Variants in SGCZ observed in about 807,000 individuals in gnomAD.
The protein encoded by SGCZ is zeta-sarcoglycan.
In SGCZ, 40 loss-of-function variants were observed where a neutral mutation model predicts 41.3. That is an observed-to-expected ratio of 0.97 (90% CI 0.75 to 1.26). The LOEUF is 1.26. Among genes scored for constraint, SGCZ ranks in the 50% most tolerant of loss-of-function variants. SGCZ has a pLI of 0.00. For synonymous variants in SGCZ, 206 were observed against 137.5 expected (o/e 1.50, Z -3.49); for missense variants, 552 against 369.8 (o/e 1.49, Z -4.04).
chr8:14,084,883 T>G lies in SGCZ; in HGVS notation c.*5560A>C, dbSNP rs1384130462. ...TCTTTGTTTTGACTATCACATTTAATCATGGTTACATAGTAGCACCAAAAT... is the reference window on the plus strand; with the variant it reads ...TCTTTGTTTTGACTATCACATTTAAGCATGGTTACATAGTAGCACCAAAAT... On this transcript the variant is annotated 3_prime_UTR_variant, in exon 8 of 8. Coordinates refer to ENST00000382080, the MANE Select transcript of SGCZ (RefSeq NM_139167.4). Among the ~76,000 whole-genome samples the G allele has an allele frequency of 6.6e-6, 1 of 151,858 alleles. No individual in the cohort carries two copies. Among genetic ancestry groups the G allele is most frequent in the Admixed American group, 6.6e-5 (1 of 15,202 alleles).
intron 2 of SGCZ, among the ~76,000 whole-genome samples, chr8:14,519,861 A>C (rs542263128): frequency 6.6e-6 from 1 of 152,238 alleles, no homozygotes; most frequent in Admixed American, 6.6e-5. Context: ...TTGTGCTTCT[A>C]CTTGTGTGTC....
intron 1 of SGCZ, among the ~76,000 whole-genome samples, chr8:15,144,147 T>C (rs898875520): frequency 3.3e-5 from 5 of 152,248 alleles, no homozygotes; most frequent in African/African-American, 1.2e-4. Context: ...AACATCAGTT[T>C]CTGGCATTTT....
intron 2 of SGCZ, among the ~76,000 whole-genome samples, chr8:14,409,576 A>G (rs1799305908): frequency 6.6e-6 from 1 of 152,162 alleles, no homozygotes; most frequent in South Asian, 2.1e-4. Flanking sequence ...TTTACTCTGT[A>G]CAAAGATGCA....
chr8:14,685,758 G>T (rs1381371630), intron 1 of SGCZ, among the ~76,000 whole-genome samples: 2 of 152,070 alleles, frequency 1.3e-5, no homozygotes, highest in Non-Finnish European at 2.9e-5. Flanking sequence ...TTACAGGAAA[G>T]TCTATTTAAA....
intron 1 of SGCZ, among the ~76,000 whole-genome samples, chr8:14,814,845 G>A (rs992277443): frequency 6.6e-6 from 1 of 151,998 alleles, no homozygotes; most frequent in Non-Finnish European, 1.5e-5. Context: ...TTATAAAGAG[G>A]GCAATGTGTC....
chr8:14,122,913 T>C (rs1161670611), intron 5 of SGCZ, among the ~76,000 whole-genome samples: 1 of 152,216 alleles, frequency 6.6e-6, no homozygotes, highest in Non-Finnish European at 1.5e-5. Flanking sequence ...TCATTCTTTT[T>C]AAAAGGTAGC....
chr8:14,572,175 C>G (rs1292561767), intron 1 of SGCZ, among the ~76,000 whole-genome samples: 1 of 152,118 alleles, frequency 6.6e-6, no homozygotes, highest in Non-Finnish European at 1.5e-5. Context: ...TGCATTTCAA[C>G]AGTATTTTAC....
chr8:15,181,175 G>T (rs1005864039), intron 1 of SGCZ, among the ~76,000 whole-genome samples: 1 of 151,998 alleles, frequency 6.6e-6, no homozygotes. Context: ...ATTTTTACAG[G>T]AAAAATGTTT....
chr8:15,035,398 T>A (rs994570349), intron 1 of SGCZ, among the ~76,000 whole-genome samples: 5 of 151,878 alleles, frequency 3.3e-5, no homozygotes, highest in Admixed American at 2.0e-4. Flanking sequence ...GAGAAAACCA[T>A]CCAATCACAA....
intron 1 of SGCZ, among the ~76,000 whole-genome samples, chr8:15,160,931 G>T (rs1373377928): frequency 3.9e-5 from 6 of 152,170 alleles, no homozygotes; most frequent in African/African-American, 1.4e-4. Flanking sequence ...CTGGTGTGCA[G>T]CCACTACAGT....
At chr8:14,414,342 T>C (rs1029912345) in intron 2 of SGCZ, among the ~76,000 whole-genome samples, 4 of 151,970 alleles carry the variant, frequency 2.6e-5, no homozygotes, top group Non-Finnish European at 5.9e-5. Context: ...ATGGTCCTCA[T>C]GCTCTTGAAT....
intron 1 of SGCZ, among the ~76,000 whole-genome samples, chr8:14,581,063 G>A (rs1021477459): frequency 6.6e-6 from 1 of 152,098 alleles, no homozygotes; most frequent in African/African-American, 2.4e-5. Flanking sequence ...AAAATGCTAA[G>A]CCTAAGGAAG....
intron 1 of SGCZ, among the ~76,000 whole-genome samples, chr8:15,102,345 T>C (rs1319303253): frequency 6.6e-6 from 1 of 151,982 alleles, no homozygotes; most frequent in African/African-American, 2.4e-5. Context: ...AAAAGGTAAG[T>C]GGGTTGCTAG....
In SGCZ at chr8:15,137,886, C is replaced by A. The variant is rs28835005; in HGVS notation, c.39+99699G>T. ...CCCACTGGGGCACTGCCTAATGGAG[C>A]TGTGAGAAGAGGGCCACCGTCCTCC... On this transcript the variant is annotated intron_variant, in intron 1 of 7. Transcript: ENST00000382080. Among the ~76,000 whole-genome samples, 607 of 152,296 alleles carry A rather than the reference C, an allele frequency of 4.0e-3. 7 individuals are homozygous for A. Among genetic ancestry groups the A allele is most frequent in the African/African-American group, 0.014 (585 of 41,572 alleles).
chr8:15,065,022 C>G (rs115943684), intron 1 of SGCZ, among the ~76,000 whole-genome samples: 2,159 of 152,230 alleles, frequency 0.014, 44 homozygotes, highest in African/African-American at 0.049. Flanking sequence ...TAAACTAATT[C>G]AATACAACAC....
intron 7 of SGCZ, 135 bp downstream of exon 7, chr8:14,102,241 C>T (rs1247129596): frequency 2.9e-5 from 30 of 1,035,838 alleles, no homozygotes; most frequent in Non-Finnish European, 3.2e-5. Flanking sequence ...CCTAATATTA[C>T]TTTCCTAAGT....
intron 1 of SGCZ, among the ~76,000 whole-genome samples, chr8:15,030,957 T>C (rs1166434123): frequency 6.6e-6 from 1 of 152,116 alleles, no homozygotes; most frequent in Non-Finnish European, 1.5e-5. Flanking sequence ...ACACCAATTT[T>C]TATTTTGGAG....
intron 2 of SGCZ, among the ~76,000 whole-genome samples, chr8:14,374,373 A>C (rs942162601): frequency 2.0e-5 from 3 of 152,196 alleles, no homozygotes; most frequent in Non-Finnish European, 2.9e-5. Context: ...GATTTGGTAC[A>C]TAGGTAGATA....
intron 1 of SGCZ, among the ~76,000 whole-genome samples, chr8:14,925,991 A>G (rs973583140): frequency 6.6e-6 from 1 of 152,230 alleles, no homozygotes; most frequent in Non-Finnish European, 1.5e-5. Flanking sequence ...GTAAACAGAT[A>G]GCTGAAGTAC....
Sources: allele counts gnomAD v4.1 joint callset (sites outside exome capture counted in the v4.1 genomes callset), GRCh38; gene constraint gnomAD v4.1.1; transcripts MANE v1.5; gene names NCBI Gene and HGNC (gene_info 2026-07-23, HGNC 2026-07-21).